The following TERB1 variants were observed in gnomAD, a reference collection of about 807,000 sequenced individuals.
The protein encoded by TERB1 is telomere repeats-binding bouquet formation protein 1.
TERB1 carries 63 observed loss-of-function variants against 92.3 expected under a neutral mutation model. That is an observed-to-expected ratio of 0.68 (90% CI 0.56 to 0.84). The LOEUF is 0.84. Ranked by LOEUF, TERB1 falls within the 40% of genes least tolerant of loss-of-function variation. The pLI, the probability that TERB1 is intolerant of heterozygous loss-of-function variation, is 0.00. For synonymous variants in TERB1, 252 were observed against 283.9 expected (o/e 0.89, Z 1.13); for missense variants, 709 against 843.7 (o/e 0.84, Z 1.98).
chr16:66,798,629 A>G (rs1337057041), intron 2 of TERB1, among the ~76,000 whole-genome samples: 1 of 152,262 alleles, frequency 6.6e-6, no homozygotes, highest in Non-Finnish European at 1.5e-5. Context: ...CAAAAAGAGT[A>G]TAAGACTCAA....
Position 66,755,060 on chromosome 16 carries a change from G to GA in TERB1, c.2099dup (p.Phe702LeufsTer40). 1 of 1,551,616 alleles carries GA rather than the reference G, an allele frequency of 6.4e-7. No individual in the cohort carries two copies. The highest frequency in any genetic ancestry group is 1.4e-5 in the African/African-American group (1 of 73,162). On this transcript the variant is annotated frameshift_variant, in exon 19 of 19. Transcript: ENST00000433154. LOFTEE classifies it high-confidence loss of function. ...CAGCCTTCCGTCCTTGCTGAAAGGG[G>GA]AAAGACCACAAAATTGAATTCCAGT...
chr16:66,779,131 C>A, intron 9 of TERB1, 116 bp from the exon 10 acceptor site: 1 of 759,812 alleles, frequency 1.3e-6, no homozygotes, highest in Non-Finnish European at 1.9e-6. Flanking sequence ...TCTAAAAATC[C>A]CAAAATTAAA....
At chr16:66,789,061 A>G (rs1343919687) in intron 5 of TERB1, among the ~76,000 whole-genome samples, 1 of 150,604 alleles carries the variant, frequency 6.6e-6, no homozygotes, top group Non-Finnish European at 1.5e-5. Context: ...AAGACTTACT[A>G]TTTGATAGCA....
chr16:66,787,516 T>C (rs1024651932), intron 6 of TERB1, among the ~76,000 whole-genome samples: 5 of 152,150 alleles, frequency 3.3e-5, no homozygotes, highest in Non-Finnish European at 5.9e-5. Flanking sequence ...AGTAAGTATA[T>C]GGGAACATTC....
Position 66,758,847 on chromosome 16 carries a change from T to C in TERB1, c.1931-9A>G. 6.6e-7 allele frequency: 1 copy of C among 1,516,626 alleles called. No homozygotes were observed. The highest frequency in any genetic ancestry group is 1.2e-5 in the South Asian group (1 of 80,834). The allele number at this position is 1,516,626 out of a possible 1,614,324, so 93.9% of individuals were successfully genotyped here. A position where few individuals can be genotyped will look rare whatever the true frequency, so the allele number is the denominator to read the frequency against. On this transcript the variant is annotated splice_polypyrimidine_tract_variant and intron_variant, in intron 17 of 18. Transcript: ENST00000433154. The stretch of plus-strand genomic sequence containing the variant: ...TGGGGTCAGCAGAATTTCTGAAAAA[T>C]ATGGAAAACATTTAGCACATTTAGC...
chr16:66,768,345 G>A (rs930939508), intron 14 of TERB1, among the ~76,000 whole-genome samples, 177 bp from the exon 15 acceptor site: 3 of 152,138 alleles, frequency 2.0e-5, no homozygotes, highest in Non-Finnish European at 4.4e-5. Flanking sequence ...AATTACAGCC[G>A]TGTTTCTAGA....
At chr16:66,781,052 C>T (rs2018627026) in intron 9 of TERB1, among the ~76,000 whole-genome samples, 1 of 152,084 alleles carries the variant, frequency 6.6e-6, no homozygotes, top group African/African-American at 2.4e-5. Flanking sequence ...ATTTCTTGAG[C>T]ATTTTTTTCC....
At chr16:66,767,333 T>C in intron 16 of TERB1, 82 bp downstream of exon 16, 2 of 764,944 alleles carry the variant, frequency 2.6e-6, no homozygotes, top group Non-Finnish European at 4.2e-6. Flanking sequence ...AGTAAGACTC[T>C]GTATCAAAAA....
Position 66,777,187 on chromosome 16 carries a change from T to C in TERB1, c.985+16A>G. 1 of 1,520,956 alleles carries C rather than the reference T, an allele frequency of 6.6e-7. No individual in the cohort carries two copies. Among genetic ancestry groups the C allele is most frequent in the South Asian group, 1.3e-5 (1 of 78,792 alleles). The allele number at this position is 1,520,956 out of a possible 1,614,324, so 94.2% of individuals were successfully genotyped here. On this transcript the variant is annotated intron_variant, in intron 11 of 18. Transcript: ENST00000433154. Reference sequence around the variant, plus strand: ...TTACTATTTTAATAACCACACTCAATAAATCCAATACTTACCACAATCCTC... The same window carrying C: ...TTACTATTTTAATAACCACACTCAACAAATCCAATACTTACCACAATCCTC...
chr16:66,774,847 C>G lies in TERB1; in HGVS notation c.1111+271G>C, dbSNP rs1295324327. On this transcript the variant is annotated intron_variant, in intron 12 of 18. Coordinates refer to ENST00000433154, the MANE Select transcript of TERB1 (RefSeq NM_001136505.2). The stretch of plus-strand genomic sequence containing the variant: ...GCTGGCAGGCATGTGCCACCATGCC[C>G]AGATAATTTTTTCTATATATATATT... 2.6e-5 allele frequency among the ~76,000 whole-genome samples: 4 copies of G among 151,864 alleles called. No homozygotes were observed. In the South Asian group the frequency reaches 8.3e-4, roughly 32 times the overall value.
intron 18 of TERB1, among the ~76,000 whole-genome samples, chr16:66,758,033 A>G (rs991783746): frequency 4.6e-5 from 7 of 152,256 alleles, no homozygotes; most frequent in Non-Finnish European, 8.8e-5. Context: ...GCACTTGTGC[A>G]TAATAATTTT....
In TERB1 at chr16:66,777,349, T is replaced by A. The variant is rs1219694377; in HGVS notation, c.854-15A>T. On this transcript the variant is annotated splice_polypyrimidine_tract_variant and intron_variant, in intron 10 of 18. Transcript: ENST00000433154. Reference sequence around the variant, plus strand: ...CCCAAAAGTAGCTATTAGTATAAAATAGGAAAAAAAGATAGTACAAATTTA... The same window carrying A: ...CCCAAAAGTAGCTATTAGTATAAAAAAGGAAAAAAAGATAGTACAAATTTA... 1.3e-6 allele frequency: 2 copies of A among 1,500,420 alleles called. No individual in the cohort carries two copies. Among genetic ancestry groups the A allele is most frequent in the Admixed American group, 2.2e-5 (1 of 46,474 alleles). 92.9% of individuals were successfully genotyped at this position (1,500,420 alleles called of 1,614,324 possible).
chr16:66,796,753 C>G lies in TERB1; in HGVS notation c.31+15G>C. On this transcript the variant is annotated intron_variant, in intron 3 of 18. Coordinates refer to ENST00000433154, the MANE Select transcript of TERB1 (RefSeq NM_001136505.2). ...ACAAAACTCATTGCAGATATATGAT[C>G]CATCAATTTCTCACCTTGTGTTTTC... is the stretch of plus-strand genomic sequence containing the variant. 6.6e-7 allele frequency: 1 copy of G among 1,516,440 alleles called. No individual in the cohort carries two copies. Among genetic ancestry groups the G allele is most frequent in the East Asian group, 2.5e-5 (1 of 40,656 alleles). 93.9% of individuals were successfully genotyped at this position (1,516,440 alleles called of 1,614,324 possible).
intron 16 of TERB1, among the ~76,000 whole-genome samples, chr16:66,767,087 G>A (rs1225895185): frequency 1.3e-5 from 2 of 151,802 alleles, no homozygotes; most frequent in African/African-American, 2.4e-5. Context: ...CCAGCACTTT[G>A]AGAGGCTGAG....
intron 16 of TERB1, among the ~76,000 whole-genome samples, chr16:66,765,726 A>G (rs1197945028): frequency 2.7e-5 from 4 of 147,578 alleles, no homozygotes; most frequent in East Asian, 2.1e-4. Context: ...CCAAAGTGCT[A>G]GGATTACAGA....
chr16:66,783,089 A>T (rs367997448), intron 9 of TERB1, among the ~76,000 whole-genome samples: 11 of 152,250 alleles, frequency 7.2e-5, no homozygotes, highest in Middle Eastern at 3.4e-3. Context: ...CCTAGATTCA[A>T]GTGGTCCTCC....
At chr16:66,782,515 C>T (rs893487545) in intron 9 of TERB1, among the ~76,000 whole-genome samples, 6 of 149,350 alleles carry the variant, frequency 4.0e-5, no homozygotes, top group South Asian at 2.1e-4. Flanking sequence ...GTACCATGCA[C>T]GCCAGCCTGG....
chr16:66,773,451 T>C (rs1338998221), intron 12 of TERB1, among the ~76,000 whole-genome samples: 1 of 152,216 alleles, frequency 6.6e-6, no homozygotes, highest in African/African-American at 2.4e-5. Flanking sequence ...AAAATTCTCA[T>C]CATGGACACT....
At chr16:66,793,211 G>GTTTT (rs1174263983) in intron 3 of TERB1, among the ~76,000 whole-genome samples, 106 of 93,550 alleles carry the variant, frequency 1.1e-3, no homozygotes, top group Middle Eastern at 8.2e-3. Flanking sequence ...TTGTGGTTTG[G>GTTTT]TTTTTTTTTT....
Sources: gnomAD v4.1 joint callset for allele counts (sites outside exome capture counted in the v4.1 genomes callset) on GRCh38, gnomAD v4.1.1 for gene constraint, MANE v1.5 for transcripts, NCBI Gene and HGNC (gene_info 2026-07-23, HGNC 2026-07-21) for gene names.